The following STRN3 variants were observed in gnomAD, a reference collection of about 807,000 sequenced individuals.
STRN3 encodes striatin 3, also known as striatin-3.
Under a neutral mutation model 95.6 loss-of-function variants are expected in STRN3, and 29 were observed. That is an observed-to-expected ratio of 0.30 (90% CI 0.23 to 0.41). The LOEUF (loss-of-function observed/expected upper bound fraction) is 0.41, where lower values mean the gene tolerates loss of function less well. Among genes scored for constraint, STRN3 ranks in the 10% least tolerant of loss-of-function variants. The pLI is 1.00. For synonymous variants in STRN3, 331 were observed against 357.6 expected, an observed-to-expected ratio of 0.93 and a Z score of 0.84; for missense variants, 890 against 972.1, an observed-to-expected ratio of 0.92 and a Z score of 1.12.
chr14:30,976,111 A>C (rs1048028795), intron 1 of STRN3, among the ~76,000 whole-genome samples: 2 of 152,192 alleles, frequency 1.3e-5, no homozygotes, highest in Non-Finnish European at 2.9e-5. Context: ...TAAGCCAATC[A>C]AAAGAGACTG....
intron 1 of STRN3, among the ~76,000 whole-genome samples, chr14:30,981,242 G>C (rs1881383002): frequency 6.6e-6 from 1 of 151,766 alleles, no homozygotes; most frequent in South Asian, 2.1e-4. Flanking sequence ...TGGAGCCCAG[G>C]AGTTGGAGAC....
intron 8 of STRN3, among the ~76,000 whole-genome samples, chr14:30,928,592 T>C (rs1046007075): frequency 1.3e-5 from 2 of 152,148 alleles, no homozygotes; most frequent in Non-Finnish European, 1.5e-5. Context: ...ATATACAACA[T>C]AGTGAAAAAT....
At chr14:30,998,506 T>C (rs1167211291) in intron 1 of STRN3, among the ~76,000 whole-genome samples, 1 of 152,116 alleles carries the variant, frequency 6.6e-6, no homozygotes, top group Admixed American at 6.5e-5. Context: ...CTGACTAACA[T>C]TAAGGCTTTG....
rs59093742 is a variant in STRN3 at position 30,905,277 on chromosome 14, A to G, written c.2029+141T>C. The stretch of plus-strand genomic sequence containing the variant: ...AAGAAAAAGCAGACATAATATAAAT[A>G]AGTATAACTGTAACATTATGAAACT... On this transcript the variant is annotated intron_variant, in intron 15 of 17. Coordinates refer to ENST00000357479, the MANE Select transcript of STRN3 (RefSeq NM_001083893.2). The G allele has an allele frequency of 1.4e-3, 1,297 of 904,946 alleles. 5 individuals carry two copies. The African/African-American group carries it at 0.019, about 13-fold the overall frequency. 56.1% of individuals were successfully genotyped at this position (904,946 alleles called of 1,614,324 possible).
chr14:30,965,041 C>T (rs960824590), intron 1 of STRN3, among the ~76,000 whole-genome samples: 1 of 152,016 alleles, frequency 6.6e-6, no homozygotes, highest in African/African-American at 2.4e-5. Flanking sequence ...ACACAGAAAA[C>T]ATGTTATTTG....
At chr14:30,907,389 A>G (rs1896492429) in intron 13 of STRN3, among the ~76,000 whole-genome samples, 1 of 152,030 alleles carries the variant, frequency 6.6e-6, no homozygotes, top group South Asian at 2.1e-4. Context: ...TGTTGTTCAC[A>G]GAGTTATACA....
chr14:31,016,880 T>A (rs1042465674), intron 1 of STRN3, among the ~76,000 whole-genome samples: 1 of 152,172 alleles, frequency 6.6e-6, no homozygotes, highest in Non-Finnish European at 1.5e-5. Context: ...ACTAGCCAGG[T>A]GCAGTAGCTG....
intron 5 of STRN3, among the ~76,000 whole-genome samples, chr14:30,942,317 A>G (rs1161007029): frequency 6.6e-6 from 1 of 152,174 alleles, no homozygotes; most frequent in East Asian, 1.9e-4. Context: ...TTAACCTACC[A>G]TATTTAAAAT....
At chr14:30,924,829 G>A (rs1896981355) in intron 8 of STRN3, among the ~76,000 whole-genome samples, 1 of 152,140 alleles carries the variant, frequency 6.6e-6, no homozygotes, top group African/African-American at 2.4e-5. Flanking sequence ...ATCCGAGGCA[G>A]CAGAGTGACA....
intron 4 of STRN3, among the ~76,000 whole-genome samples, chr14:30,947,556 C>T (rs980197838): frequency 2.0e-5 from 3 of 152,076 alleles, no homozygotes; most frequent in East Asian, 1.9e-4. Flanking sequence ...CACACACACA[C>T]ATTTTTAAAT....
At chr14:30,999,239 G>C (rs1882336976) in intron 1 of STRN3, among the ~76,000 whole-genome samples, 1 of 151,946 alleles carries the variant, frequency 6.6e-6, no homozygotes, top group Admixed American at 6.6e-5. Flanking sequence ...GGAGATGGGG[G>C]GTCTCACTAT....
At chr14:30,919,195 G>T in intron 8 of STRN3, 89 bp from the exon 9 acceptor site, 1 of 1,307,720 alleles carries the variant, frequency 7.6e-7, no homozygotes, top group South Asian at 2.0e-5. Flanking sequence ...TAACAAAACA[G>T]ACTATTAAGA....
intron 12 of STRN3, 119 bp downstream of exon 12, chr14:30,911,658 T>A: frequency 1.1e-6 from 1 of 883,942 alleles, no homozygotes; most frequent in Non-Finnish European, 1.7e-6. Flanking sequence ...ATAGCTATTA[T>A]TCAAGTAATA....
intron 5 of STRN3, among the ~76,000 whole-genome samples, chr14:30,938,449 A>G (rs1878933742): frequency 6.6e-6 from 1 of 152,222 alleles, no homozygotes. Context: ...TTTTAAAGAT[A>G]TATTTGTTTT....
chr14:30,900,988 AT>A (rs1412637921), intron 16 of STRN3, among the ~76,000 whole-genome samples: 1 of 152,232 alleles, frequency 6.6e-6, no homozygotes, highest in Non-Finnish European at 1.5e-5. Flanking sequence ...AACTACTAAA[AT>A]TCCTGAACTT....
At chr14:31,025,676 G>A (rs375911441) in intron 1 of STRN3, 20 of 662,060 alleles carry the variant, frequency 3.0e-5, no homozygotes, top group African/African-American at 1.1e-4. Flanking sequence ...CTGCCCCGAG[G>A]AGGCCCGCAC....
At chr14:30,976,767 C>T (rs896542331) in intron 1 of STRN3, among the ~76,000 whole-genome samples, 2 of 152,162 alleles carry the variant, frequency 1.3e-5, no homozygotes, top group Non-Finnish European at 2.9e-5. Flanking sequence ...GTAAGTGAAA[C>T]ACTGGTCAAA....
At chr14:30,944,721 G>T (rs1457116822) in intron 5 of STRN3, among the ~76,000 whole-genome samples, 3 of 149,730 alleles carry the variant, frequency 2.0e-5, no homozygotes, top group Non-Finnish European at 4.4e-5. Context: ...TGGTTCAAGC[G>T]ATCCTCCCAC....
At chr14:30,940,244 T>A (rs1371995801) in intron 5 of STRN3, among the ~76,000 whole-genome samples, 1 of 152,180 alleles carries the variant, frequency 6.6e-6, no homozygotes, top group Non-Finnish European at 1.5e-5. Context: ...TTCCTGAAAT[T>A]TCCTTTGCCT....
Sources: allele counts gnomAD v4.1 joint callset (sites outside exome capture counted in the v4.1 genomes callset), GRCh38; gene constraint gnomAD v4.1.1; transcripts MANE v1.5; gene names NCBI Gene and HGNC (gene_info 2026-07-23, HGNC 2026-07-21).